CLTCL1: variants seen among roughly 807,000 people sequenced by gnomAD.
The protein encoded by CLTCL1 is clathrin heavy chain like 1.
Under a neutral mutation model 190.0 loss-of-function variants are expected in CLTCL1, and 159 were observed. The ratio of observed to expected loss-of-function variants is 0.84; its 90% confidence interval spans 0.74 to 0.95. CLTCL1 has a LOEUF of 0.95. Ranked by LOEUF, CLTCL1 falls within the 40% of genes least tolerant of loss-of-function variation. The pLI, the probability that CLTCL1 is intolerant of heterozygous loss-of-function variation, is 0.00. For synonymous variants in CLTCL1, 752 were observed against 769.6 expected (o/e 0.98, Z 0.38); for missense variants, 1,878 against 2,033.4 (o/e 0.92, Z 1.47).
intron 2 of CLTCL1, chr22:19,257,858 C>T: frequency 7.1e-7 from 1 of 1,411,480 alleles, no homozygotes; most frequent in Non-Finnish European, 9.4e-7. Flanking sequence ...AGAGCAAAAA[C>T]CGGGAGCACC....
rs782400160 is a variant in CLTCL1, at chr22:19,242,806, CA to C, written c.649del (p.Cys217AlafsTer28). On this transcript the variant is annotated frameshift_variant, in exon 4 of 33. Transcript: ENST00000427926. LOFTEE classifies it high-confidence loss of function. ...EGNAKPATLF[C>X]FAVRNPTGGK... ...TCCTGTGGGATTACGTACAGCAAAG[CA>C]GAAAAGGGTGGCAGGCTTGGCATTC... 6.2e-7 allele frequency: 1 copy of C among 1,613,912 alleles called. No individual in the cohort carries two copies. Among genetic ancestry groups the C allele is most frequent in the Admixed American group, 1.7e-5 (1 of 60,012 alleles).
chr22:19,290,126 C>A (rs2088055789), intron 1 of CLTCL1, among the ~76,000 whole-genome samples: 1 of 152,202 alleles, frequency 6.6e-6, no homozygotes, highest in Non-Finnish European at 1.5e-5. Flanking sequence ...TCCTGATGGA[C>A]ATTAGAAACT....
intron 22 of CLTCL1, 84 bp from the exon 23 acceptor site, chr22:19,201,577 A>T (rs2084888106): frequency 7.0e-7 from 1 of 1,419,694 alleles, no homozygotes; most frequent in African/African-American, 1.4e-5. Flanking sequence ...TAGATGGCAG[A>T]GGTATTTTTC....
rs782757294 is a variant in CLTCL1, at chr22:19,187,741, C to T, written c.4435-13G>A. 6.2e-7 allele frequency: 1 copy of T among 1,611,668 alleles called. No individual in the cohort carries two copies. Among genetic ancestry groups the T allele is most frequent in the Non-Finnish European group, 8.5e-7 (1 of 1,178,390 alleles). ...ATGCCCTTAAGCCCTAGGAAGACAG[C>T]CTTTCTGTGAGGGATGGGACACTGA... On this transcript the variant is annotated splice_polypyrimidine_tract_variant and intron_variant, in intron 28 of 32. Coordinates refer to ENST00000427926, the MANE Select transcript of CLTCL1 (RefSeq NM_007098.4).
At chr22:19,236,528 C>T (rs1555962318) in intron 5 of CLTCL1, among the ~76,000 whole-genome samples, 1 of 152,062 alleles carries the variant, frequency 6.6e-6, no homozygotes, top group Non-Finnish European at 1.5e-5. Flanking sequence ...GATGCATTTG[C>T]CCAACCAGAT....
At chr22:19,228,473 A>G (rs2085821883) in intron 11 of CLTCL1, among the ~76,000 whole-genome samples, 1 of 152,150 alleles carries the variant, frequency 6.6e-6, no homozygotes, top group Non-Finnish European at 1.5e-5. Flanking sequence ...CATTCACCAG[A>G]AACGGTTACA....
At position 19,183,393 on chromosome 22, in the gene CLTCL1, G is replaced by A. The variant is rs368354741; in HGVS notation, c.4824C>T (p.Ser1608=). The part of the protein sequence containing the change: ...YFIQVMREYL[S]KVDKLDALES... ...CTGCAGCCGGCCCGGCACCTACCTT[G>A]CTCAGGTACTCCCTCATCACCTGGA... is the stretch of plus-strand genomic sequence containing the variant. The change falls in exon 30 of 33, where the codon AGC becomes AGT. Residue 1608 remains serine (S), a synonymous_variant. Transcript: ENST00000427926. 5 of 1,612,600 alleles carry A rather than the reference G, an allele frequency of 3.1e-6. No individual in the cohort carries two copies. The highest frequency in any genetic ancestry group is 1.3e-5 in the African/African-American group (1 of 74,916).
chr22:19,257,774 G>A, intron 2 of CLTCL1: 1 of 1,410,696 alleles, frequency 7.1e-7, no homozygotes. Context: ...AGGAGACCAT[G>A]CAAAGCCTGA....
rs189603033 is a variant in CLTCL1, at chr22:19,190,318, A to C, written c.4323+986T>G. Reference sequence around the variant, plus strand: ...GGGAATAGGGAGGCCCAAGGAAAGGAAGAGGGACCAGGGCACGGCCAGTCA... The same window carrying C: ...GGGAATAGGGAGGCCCAAGGAAAGGCAGAGGGACCAGGGCACGGCCAGTCA... On this transcript the variant is annotated intron_variant, in intron 27 of 32. Transcript: ENST00000427926. 3.1e-4 allele frequency among the ~76,000 whole-genome samples: 47 copies of C among 152,330 alleles called. No homozygotes were observed. In the Middle Eastern group the frequency reaches 0.02, roughly 66 times the overall value.
At chr22:19,254,488 T>G (rs1241766093) in intron 2 of CLTCL1, among the ~76,000 whole-genome samples, 1 of 152,222 alleles carries the variant, frequency 6.6e-6, no homozygotes, top group African/African-American at 2.4e-5. Context: ...TGAATAACAA[T>G]GAGAAATTAG....
intron 26 of CLTCL1, among the ~76,000 whole-genome samples, chr22:19,195,857 T>G (rs1418427033): frequency 7.5e-6 from 1 of 133,874 alleles, no homozygotes; most frequent in South Asian, 2.4e-4. Flanking sequence ...AGACATGAAC[T>G]AAAAAAAAAA....
Position 19,209,726 on chromosome 22 carries a change from T to C in CLTCL1, c.3249+600A>G, listed in dbSNP as rs550357765. On this transcript the variant is annotated intron_variant, in intron 20 of 32. Coordinates refer to ENST00000427926, the MANE Select transcript of CLTCL1 (RefSeq NM_007098.4). ...GAAGAGGCAAGGACATAAAGATAAT[T>C]GGTAGGACAGCAGTTCAGGTGAGAT... Among the ~76,000 whole-genome samples, 6 of 152,184 alleles carry C rather than the reference T, an allele frequency of 3.9e-5. No homozygotes were observed. The East Asian group carries it at 1.2e-3, about 29-fold the overall frequency.
intron 2 of CLTCL1, chr22:19,257,664 G>C: frequency 2.0e-6 from 1 of 509,892 alleles, no homozygotes; most frequent in South Asian, 1.7e-5. Flanking sequence ...CCAGATCTCT[G>C]TGTCCTGCTC....
chr22:19,216,714 C>T (rs1555949679), intron 18 of CLTCL1, among the ~76,000 whole-genome samples: 1 of 152,246 alleles, frequency 6.6e-6, no homozygotes, highest in Non-Finnish European at 1.5e-5. Context: ...CTCAGAACCA[C>T]AATCTGAAGG....
At chr22:19,225,748 TC>T in intron 12 of CLTCL1, 115 bp from the exon 13 acceptor site, 1 of 1,020,976 alleles carries the variant, frequency 9.8e-7, no homozygotes, top group Non-Finnish European at 1.4e-6. Flanking sequence ...ACAGAGAATT[TC>T]CACATAAAGG....
At chr22:19,219,274 C>T (rs1415132490) in intron 18 of CLTCL1, among the ~76,000 whole-genome samples, 1 of 150,570 alleles carries the variant, frequency 6.6e-6, no homozygotes, top group Non-Finnish European at 1.5e-5. Context: ...TCTGCAACCT[C>T]CACCTCCTGG....
chr22:19,282,048 C>T (rs782628530), intron 1 of CLTCL1, among the ~76,000 whole-genome samples: 11 of 151,974 alleles, frequency 7.2e-5, no homozygotes, highest in Non-Finnish European at 8.8e-5. Context: ...GGGAAAGGGG[C>T]GGCCGGGCAC....
rs1555971503 is a variant in CLTCL1, at chr22:19,254,205, A to G, written c.273T>C (p.Phe91=). The part of the protein sequence containing the change: ...ALKAGKTLQI[F]NIEMKSKMKA... ...TCATTTTACTCTTCATCTCAATATT[A>G]AAGATCTGAAGTGTCTTCCCAGCTA... Residue 91 remains phenylalanine (F), a synonymous_variant, in exon 3 of 33, where the codon TTT becomes TTC. Coordinates refer to ENST00000427926, the MANE Select transcript of CLTCL1 (RefSeq NM_007098.4). 6.2e-7 allele frequency: 1 copy of G among 1,613,326 alleles called. No individual in the cohort carries two copies. The highest frequency in any genetic ancestry group is 1.3e-5 in the African/African-American group (1 of 75,052).
chr22:19,209,367 T>C, intron 20 of CLTCL1: 1 of 376,990 alleles, frequency 2.7e-6, no homozygotes, highest in Non-Finnish European at 4.8e-6. Flanking sequence ...ATAGCCAGGT[T>C]AAGCTTTCTG....
Sources: gnomAD v4.1 joint callset for allele counts (sites outside exome capture counted in the v4.1 genomes callset) on GRCh38, gnomAD v4.1.1 for gene constraint, MANE v1.5 for transcripts, NCBI Gene and HGNC (gene_info 2026-07-23, HGNC 2026-07-21) for gene names.